The following SLC24A4 variants were observed in gnomAD, a reference collection of about 807,000 sequenced individuals.
SLC24A4 encodes solute carrier family 24 member 4.
SLC24A4 carries 53 observed loss-of-function variants against 79.0 expected under a neutral mutation model. The observed-to-expected ratio is 0.67, with a 90% CI of 0.54 to 0.84. SLC24A4 has a LOEUF of 0.84. SLC24A4 is among the 40% of genes least tolerant of loss of function. SLC24A4 has a pLI of 0.00. For synonymous variants in SLC24A4, 323 were observed against 323.8 expected (o/e 1.00, Z 0.03); for missense variants, 731 against 822.0 (o/e 0.89, Z 1.35).
In SLC24A4 at chr14:92,453,925, G is replaced by A; in HGVS notation, c.906G>A (p.Lys302=). The change falls in exon 11 of 17, where the codon AAG becomes AAA. Residue 302 remains lysine, a synonymous_variant. Coordinates refer to ENST00000532405, the MANE Select transcript of SLC24A4 (RefSeq NM_153646.4). ...GQVKEKPQYG[K]NPVVMVDEIM... ...TGAAGGAGAAGCCACAGTATGGCAA[G>A]AACCCCGTGGTGATGGTGGACGAGA... 2 of 1,612,806 alleles carry A rather than the reference G, an allele frequency of 1.2e-6. No individual in the cohort carries two copies. The highest frequency in any genetic ancestry group is 1.7e-6 in the Non-Finnish European group (2 of 1,179,488).
intron 12 of SLC24A4, among the ~76,000 whole-genome samples, chr14:92,468,497 C>T (rs1490133336): frequency 6.6e-6 from 1 of 152,176 alleles, no homozygotes; most frequent in Admixed American, 6.5e-5. Context: ...AAACTTCTGC[C>T]TGCAAAACTT....
At chr14:92,412,415 C>A in intron 2 of SLC24A4, among the ~76,000 whole-genome samples, 1 of 152,090 alleles carries the variant, frequency 6.6e-6, no homozygotes, top group East Asian at 1.9e-4. Context: ...GCCAGACAGG[C>A]AAAAACAGTA....
intron 12 of SLC24A4, among the ~76,000 whole-genome samples, chr14:92,458,094 G>T (rs1893587628): frequency 6.6e-6 from 1 of 152,200 alleles, no homozygotes; most frequent in South Asian, 2.1e-4. Context: ...CTATCCAGGG[G>T]CTCTTCCCAA....
chr14:92,483,518 T>C (rs1362743800), intron 13 of SLC24A4, among the ~76,000 whole-genome samples: 3 of 152,224 alleles, frequency 2.0e-5, no homozygotes, highest in Non-Finnish European at 4.4e-5. Context: ...CTCAGTTTGC[T>C]ACTGGACTTT....
chr14:92,419,003 A>G (rs918004053), intron 2 of SLC24A4, among the ~76,000 whole-genome samples: 9 of 152,208 alleles, frequency 5.9e-5, no homozygotes, highest in African/African-American at 1.9e-4. Context: ...CACCCGGCCA[A>G]TTTTTGTGTT....
intron 2 of SLC24A4, among the ~76,000 whole-genome samples, chr14:92,356,482 A>C (rs940351318): frequency 2.0e-5 from 3 of 152,062 alleles, no homozygotes; most frequent in African/African-American, 7.2e-5. Context: ...TGAAGCCAGA[A>C]CTCCTGAATT....
chr14:92,385,144 C>T (rs1418699970), intron 2 of SLC24A4, among the ~76,000 whole-genome samples: 2 of 152,236 alleles, frequency 1.3e-5, no homozygotes, highest in Non-Finnish European at 2.9e-5. Context: ...GTTTGGATCT[C>T]GCCTTAACTC....
intron 12 of SLC24A4, among the ~76,000 whole-genome samples, chr14:92,463,165 G>A (rs945618519): frequency 1.3e-5 from 2 of 152,112 alleles, no homozygotes; most frequent in African/African-American, 4.8e-5. Context: ...GGAAGATTTC[G>A]GGAAGCTTTT....
chr14:92,324,373 T>A (rs558698337), intron 1 of SLC24A4, among the ~76,000 whole-genome samples: 1 of 152,340 alleles, frequency 6.6e-6, no homozygotes, highest in Non-Finnish European at 1.5e-5. Context: ...GTCTCGCCCC[T>A]GCCCTGGTTC....
chr14:92,382,743 A>G (rs187474924), intron 2 of SLC24A4, among the ~76,000 whole-genome samples: 1 of 152,330 alleles, frequency 6.6e-6, no homozygotes, highest in Non-Finnish European at 1.5e-5. Flanking sequence ...GATCAGTCCT[A>G]GAAATCCATC....
At chr14:92,440,639 TTACCTGTATCCCTAAGGATAGAGG>T (rs1892440012) in intron 4 of SLC24A4, among the ~76,000 whole-genome samples, 1 of 151,760 alleles carries the variant, frequency 6.6e-6, no homozygotes, top group African/African-American at 2.4e-5. Flanking sequence ...CCCCGTAGGG[TTACCTGTATCCCTAAGGATAGAGG>T]TGAGCAAGGG....
At chr14:92,405,133 A>G (rs1890308142) in intron 2 of SLC24A4, among the ~76,000 whole-genome samples, 1 of 152,026 alleles carries the variant, frequency 6.6e-6, no homozygotes, top group African/African-American at 2.4e-5. Context: ...AACTTTGGGT[A>G]AGTTACCTAA....
chr14:92,364,998 C>T (rs553992808), intron 2 of SLC24A4, among the ~76,000 whole-genome samples: 2 of 152,342 alleles, frequency 1.3e-5, no homozygotes, highest in East Asian at 1.9e-4. Flanking sequence ...GGACTTCTCC[C>T]TCCCTATCCT....
chr14:92,371,798 A>T (rs747616156), intron 2 of SLC24A4, among the ~76,000 whole-genome samples: 4 of 152,356 alleles, frequency 2.6e-5, no homozygotes, highest in Non-Finnish European at 4.4e-5. Context: ...CAGAATAAAG[A>T]CATTTTGAGC....
chr14:92,397,914 T>C (rs1252852007), intron 2 of SLC24A4, among the ~76,000 whole-genome samples: 5 of 152,198 alleles, frequency 3.3e-5, no homozygotes, highest in Non-Finnish European at 7.3e-5. Flanking sequence ...GGATTTGGCT[T>C]CAAATCAGTC....
intron 2 of SLC24A4, among the ~76,000 whole-genome samples, chr14:92,355,081 CAAAA>C (rs1355678753): frequency 6.6e-6 from 1 of 152,088 alleles, no homozygotes; most frequent in African/African-American, 2.4e-5. Context: ...CTCAACAAAA[CAAAA>C]CAAACAACAA....
chr14:92,346,164 A>C (rs1390521289), intron 2 of SLC24A4, among the ~76,000 whole-genome samples: 1 of 152,160 alleles, frequency 6.6e-6, no homozygotes, highest in Non-Finnish European at 1.5e-5. Context: ...ACTGATACAG[A>C]CTGAACTCAT....
chr14:92,488,616 A>C (rs1168424953), intron 14 of SLC24A4, among the ~76,000 whole-genome samples: 1 of 99,518 alleles, frequency 1.0e-5, no homozygotes. Flanking sequence ...ATCCTCAGAG[A>C]CCCTATTTCC....
At chr14:92,349,080 TAA>T (rs111411964) in intron 2 of SLC24A4, among the ~76,000 whole-genome samples, 5 of 140,072 alleles carry the variant, frequency 3.6e-5, no homozygotes, top group Non-Finnish European at 3.1e-5. Context: ...CTCTTCCAGG[TAA>T]AAAAAAAAAG....
Sources: gnomAD v4.1 joint callset for allele counts (sites outside exome capture counted in the v4.1 genomes callset) on GRCh38, gnomAD v4.1.1 for gene constraint, MANE v1.5 for transcripts, NCBI Gene and HGNC (gene_info 2026-07-23, HGNC 2026-07-21) for gene names.